ZNF680: variants seen among roughly 807,000 people sequenced by gnomAD.
The protein encoded by ZNF680 is hypothetical protein FLJ90430.
In ZNF680, 6 loss-of-function variants were observed where a neutral mutation model predicts 12.1. The observed-to-expected ratio is 0.49, with a 90% confidence interval of 0.27 to 0.98. The LOEUF is 0.98. Among genes scored for constraint, ZNF680 ranks in the 50% least tolerant of loss-of-function variants. ZNF680 has a pLI of 0.12. For synonymous variants in ZNF680, 170 were observed against 199.3 expected, an observed-to-expected ratio of 0.85 and a Z score of 1.24; for missense variants, 561 against 616.3, an observed-to-expected ratio of 0.91 and a Z score of 0.95.
downstream of ZNF680, among the ~76,000 whole-genome samples, chr7:64,516,746 A>G (rs1023029506): frequency 2.0e-5 from 3 of 152,230 alleles, no homozygotes; most frequent in African/African-American, 7.2e-5. Flanking sequence ...TAAATTTAAG[A>G]AAATTGAAAT....
chr7:64,536,667 A>C (rs1263872522), intron 3 of ZNF680, among the ~76,000 whole-genome samples: 1 of 152,234 alleles, frequency 6.6e-6, no homozygotes, highest in Non-Finnish European at 1.5e-5. Flanking sequence ...TAGAACAACT[A>C]GGCTTAACAG....
At chr7:64,514,586 TAAAA>T in the ZNF680 span, among the ~76,000 whole-genome samples, 1 of 152,042 alleles carries the variant, frequency 6.6e-6, no homozygotes, top group African/African-American at 2.4e-5. Context: ...AAACTCATAA[TAAAA>T]ACTCATATTT....
the ZNF680 span, among the ~76,000 whole-genome samples, chr7:64,510,270 G>C: frequency 2.0e-5 from 3 of 150,124 alleles, no homozygotes; most frequent in African/African-American, 7.3e-5. Context: ...TAAAAAGCTT[G>C]CAAAAAACCA....
At chr7:64,527,351 A>G (rs1791917628) in intron 3 of ZNF680, among the ~76,000 whole-genome samples, 1 of 152,214 alleles carries the variant, frequency 6.6e-6, no homozygotes, top group African/African-American at 2.4e-5. Context: ...TGATAATAGT[A>G]ACTTTATTTC....
At chr7:64,546,874 G>A (rs1028278427) in intron 1 of ZNF680, among the ~76,000 whole-genome samples, 1 of 152,082 alleles carries the variant, frequency 6.6e-6, no homozygotes, top group Non-Finnish European at 1.5e-5. Flanking sequence ...AACAGGCCCT[G>A]TGACCAACCT....
At chr7:64,517,814 C>T (rs950422567), downstream of ZNF680, among the ~76,000 whole-genome samples, 5 of 151,834 alleles carry the variant, frequency 3.3e-5, no homozygotes, top group African/African-American at 9.7e-5. Flanking sequence ...ATGTGATACA[C>T]CAATAAACAG....
At chr7:64,557,534 G>A (rs909259126) in intron 1 of ZNF680, among the ~76,000 whole-genome samples, 4 of 151,192 alleles carry the variant, frequency 2.6e-5, no homozygotes, top group African/African-American at 9.7e-5. Context: ...CAGCCTGGGT[G>A]ACAGAGCAAG....
At chr7:64,517,138 GA>G (rs1000183982), downstream of ZNF680, among the ~76,000 whole-genome samples, 2 of 150,972 alleles carry the variant, frequency 1.3e-5, no homozygotes, top group South Asian at 4.2e-4. Flanking sequence ...AGATTAAAAA[GA>G]AAAAAAGACA....
chr7:64,533,100 G>C (rs1043094479), intron 3 of ZNF680, among the ~76,000 whole-genome samples: 6 of 152,108 alleles, frequency 3.9e-5, no homozygotes, highest in African/African-American at 1.4e-4. Flanking sequence ...TTCCCTTTGA[G>C]AACTGGAACA....
the ZNF680 span, among the ~76,000 whole-genome samples, chr7:64,503,625 C>A: frequency 6.6e-6 from 1 of 152,162 alleles, no homozygotes; most frequent in South Asian, 2.1e-4. Flanking sequence ...AGGCGATCCG[C>A]CCACCTTGCC....
rs1167177798 is a variant in ZNF680 at position 64,521,184 on chromosome 7, C to T, written c.1570G>A (p.Asp524Asn). Reference protein sequence around the residue: ...GEKLYKPEKCDNNFDNT With the variant: ...GEKLYKPEKCNNNFDNT Reference sequence around the variant, plus strand: ...TTTTAGGTGTTATCAAAATTATTGTCACATTTTTCAGGTTTGTAGAGTTTC... The same window carrying T: ...TTTTAGGTGTTATCAAAATTATTGTTACATTTTTCAGGTTTGTAGAGTTTC... The change falls in exon 4 of 4, where the codon GAC (aspartate) becomes AAC (asparagine). Residue 524 changes from aspartate to asparagine, a missense_variant. Transcript: ENST00000309683. 5 of 1,607,920 alleles carry T rather than the reference C, an allele frequency of 3.1e-6. No individual in the cohort carries two copies. The highest frequency in any genetic ancestry group is 3.4e-5 in the Admixed American group (2 of 59,016).
intron 1 of ZNF680, among the ~76,000 whole-genome samples, chr7:64,545,844 A>C (rs1200306895): frequency 1.3e-5 from 2 of 152,142 alleles, no homozygotes; most frequent in Non-Finnish European, 2.9e-5. Flanking sequence ...TCAACATTAC[A>C]TGTTCTTTTT....
chr7:64,544,299 T>C lies in ZNF680; in HGVS notation c.157+7A>G. The C allele has an allele frequency of 6.2e-7, 1 of 1,600,130 alleles. No individual in the cohort carries two copies. Among genetic ancestry groups the C allele is most frequent in the Non-Finnish European group, 8.5e-7 (1 of 1,171,646 alleles). On this transcript the variant is annotated splice_region_variant and intron_variant, in intron 2 of 3. Transcript: ENST00000309683. Reference sequence around the variant, plus strand: ...TATTAGGAATTGTGTGTTGAAGTTATCCTCACCCAGGAAGACCAGGTTTCT... The same window carrying C: ...TATTAGGAATTGTGTGTTGAAGTTACCCTCACCCAGGAAGACCAGGTTTCT...
chr7:64,553,747 G>GACTGGTTTTCGC (rs1787215204), intron 1 of ZNF680, among the ~76,000 whole-genome samples: 1 of 152,216 alleles, frequency 6.6e-6, no homozygotes, highest in Non-Finnish European at 1.5e-5. Flanking sequence ...CGCCACGCCA[G>GACTGGTTTTCGC]ACTGGTTTTC....
intron 1 of ZNF680, among the ~76,000 whole-genome samples, chr7:64,562,017 AAGGTCAGGAGTTCAAGACC>A (rs1350225625): frequency 6.7e-6 from 1 of 150,238 alleles, no homozygotes; most frequent in African/African-American, 2.5e-5. Context: ...GGCAGATCAC[AAGGTCAGGAGTTCAAGACC>A]AGCCTGTCCA....
At chr7:64,537,657 C>G (rs11977336) in intron 3 of ZNF680, among the ~76,000 whole-genome samples, 43,937 of 152,010 alleles carry the variant, frequency 0.29, 6,989 homozygotes, top group African/African-American at 0.41. Context: ...GCCAGGTGCG[C>G]TGGCTCACGC....
In ZNF680 at chr7:64,521,022, T is replaced by C. The variant is rs1791498299; in HGVS notation, c.*139A>G. On this transcript the variant is annotated 3_prime_UTR_variant, in exon 4 of 4. Transcript: ENST00000309683. ...GAGTATTGGTTAAGTTTTGTCACAT[T>C]CTTTACACTTATAAAGTTTTCTCCA... 6 of 946,110 alleles carry C rather than the reference T, an allele frequency of 6.3e-6. No individual in the cohort carries two copies. The highest frequency in any genetic ancestry group is 7.7e-6 in the Non-Finnish European group (5 of 647,782). 58.6% of individuals were successfully genotyped at this position (946,110 alleles called of 1,614,324 possible).
intron 1 of ZNF680, among the ~76,000 whole-genome samples, chr7:64,559,878 C>T (rs893157307): frequency 6.6e-6 from 1 of 152,028 alleles, no homozygotes; most frequent in East Asian, 1.9e-4. Context: ...TTATTATTTC[C>T]ATTAAAAATT....
At chr7:64,539,859 G>A (rs986282606) in intron 3 of ZNF680, among the ~76,000 whole-genome samples, 4 of 152,002 alleles carry the variant, frequency 2.6e-5, no homozygotes, top group African/African-American at 7.3e-5. Context: ...TGTTGCCCAA[G>A]CTGGTCTCCA....
Sources: allele counts gnomAD v4.1 joint callset (sites outside exome capture counted in the v4.1 genomes callset), GRCh38; gene constraint gnomAD v4.1.1; transcripts MANE v1.5; gene names NCBI Gene and HGNC (gene_info 2026-07-23, HGNC 2026-07-21).